The following ACYP2 variants were observed in gnomAD, a reference collection of about 807,000 sequenced individuals.
ACYP2 encodes the protein acylphosphatase 2.
A neutral mutation model predicts 11.2 loss-of-function variants in ACYP2; 12 were observed. That is an observed-to-expected ratio of 1.08 (90% CI 0.69 to 1.74). The LOEUF is 1.74. Ranked by LOEUF, ACYP2 falls within the 40% of genes most tolerant of loss-of-function variation. ACYP2 has a pLI of 0.00. For synonymous variants in ACYP2, 43 were observed against 32.2 expected, an observed-to-expected ratio of 1.33 and a Z score of -1.13; for missense variants, 134 against 101.9, an observed-to-expected ratio of 1.31 and a Z score of -1.35.
At chr2:54,004,114 G>C (rs891531756) in intron 2 of ACYP2, among the ~76,000 whole-genome samples, 6 of 152,060 alleles carry the variant, frequency 3.9e-5, no homozygotes, top group Non-Finnish European at 5.9e-5. Flanking sequence ...CTCCCGAGCA[G>C]CTGGGACCAC....
At chr2:54,227,836 C>G (rs921349848) in intron 6 of ACYP2, among the ~76,000 whole-genome samples, 1 of 152,144 alleles carries the variant, frequency 6.6e-6, no homozygotes, top group African/African-American at 2.4e-5. Context: ...AGAATAGGAA[C>G]TGAATCATGT....
intron 4 of ACYP2, among the ~76,000 whole-genome samples, chr2:54,061,579 T>C (rs1056668508): frequency 1.2e-4 from 18 of 152,224 alleles, no homozygotes; most frequent in Admixed American, 3.9e-4. Context: ...CCAACTCTGA[T>C]TGGCTTTAGC....
rs987002569 is a variant in ACYP2, at chr2:54,270,625, TA to T, written c.405-34057del. On this transcript the variant is annotated intron_variant, in intron 6 of 6. Transcript: ENST00000607452. The stretch of plus-strand genomic sequence containing the variant: ...TGTCTCAAAATTTTAAAAATAAAGA[TA>T]AAAAATAAAAATGAATACAATGAAT... Among the ~76,000 whole-genome samples, 435 of 152,254 alleles carry T rather than the reference TA, an allele frequency of 2.9e-3. 3 individuals are homozygous for T. Among genetic ancestry groups the T allele is most frequent in the African/African-American group, 9.9e-3 (410 of 41,546 alleles).
intron 6 of ACYP2, among the ~76,000 whole-genome samples, chr2:54,217,207 T>A (rs1316196548): frequency 2.0e-5 from 3 of 152,212 alleles, no homozygotes; most frequent in African/African-American, 7.2e-5. Context: ...CTTTAGGTCA[T>A]CACTGTCCAA....
intron 6 of ACYP2, among the ~76,000 whole-genome samples, chr2:54,164,258 G>C (rs1051402679): frequency 1.9e-4 from 29 of 152,184 alleles, no homozygotes; most frequent in African/African-American, 7.0e-4. Flanking sequence ...GAACTGGGGA[G>C]AAGTTCAGAT....
At chr2:54,010,186 CA>C in intron 2 of ACYP2, among the ~76,000 whole-genome samples, 1 of 152,118 alleles carries the variant, frequency 6.6e-6, no homozygotes, top group East Asian at 1.9e-4. Flanking sequence ...ATCAGCCTGT[CA>C]AAAAGTCATG....
chr2:54,117,168 A>C (rs1475086816), intron 4 of ACYP2, among the ~76,000 whole-genome samples: 1 of 152,242 alleles, frequency 6.6e-6, no homozygotes, highest in Admixed American at 6.5e-5. Context: ...AGCTCCAAGT[A>C]TTAAATTTTT....
intron 2 of ACYP2, among the ~76,000 whole-genome samples, chr2:54,000,745 G>A (rs1358622269): frequency 1.3e-5 from 2 of 152,118 alleles, no homozygotes; most frequent in African/African-American, 4.8e-5. Context: ...GAAAATTTCT[G>A]CCCATAAGTA....
intron 2 of ACYP2, among the ~76,000 whole-genome samples, chr2:53,995,239 T>C (rs1032574623): frequency 2.0e-5 from 3 of 152,142 alleles, no homozygotes; most frequent in South Asian, 2.1e-4. Context: ...AGAAAAAAAA[T>C]TGGTTCCTCT....
At chr2:54,210,141 CAAAAA>C (rs57860939) in intron 6 of ACYP2, among the ~76,000 whole-genome samples, 4,228 of 70,706 alleles carry the variant, frequency 0.06, 60 homozygotes, top group Non-Finnish European at 0.098. Flanking sequence ...GACTGTGTCT[CAAAAA>C]AAAAAAAAAA....
At chr2:54,071,035 A>G (rs1357416232) in intron 4 of ACYP2, among the ~76,000 whole-genome samples, 1 of 152,166 alleles carries the variant, frequency 6.6e-6, no homozygotes, top group African/African-American at 2.4e-5. Context: ...TACAGGCATA[A>G]GACACTGCAC....
At chr2:54,231,151 A>G (rs985563722) in intron 6 of ACYP2, among the ~76,000 whole-genome samples, 2 of 152,064 alleles carry the variant, frequency 1.3e-5, no homozygotes, top group Non-Finnish European at 1.5e-5. Context: ...TGTTTCTTAA[A>G]TGTATTTGAT....
intron 2 of ACYP2, among the ~76,000 whole-genome samples, chr2:54,000,152 T>C (rs1002641244): frequency 1.3e-5 from 2 of 151,890 alleles, no homozygotes; most frequent in African/African-American, 4.8e-5. Flanking sequence ...AAGAAGCTCA[T>C]TGAGCTTCTT....
At chr2:54,108,547 G>T (rs906598521) in intron 4 of ACYP2, among the ~76,000 whole-genome samples, 3 of 152,184 alleles carry the variant, frequency 2.0e-5, no homozygotes, top group South Asian at 2.1e-4. Context: ...CCTGATACCA[G>T]CTGAAGTCCA....
At chr2:54,117,092 G>A (rs745849799) in intron 4 of ACYP2, among the ~76,000 whole-genome samples, 15 of 152,182 alleles carry the variant, frequency 9.9e-5, no homozygotes, top group Admixed American at 1.3e-4. Flanking sequence ...ACTTTAGAGC[G>A]CAAAGAACCG....
At chr2:54,155,140 C>G (rs927829459) in intron 6 of ACYP2, among the ~76,000 whole-genome samples, 2 of 151,890 alleles carry the variant, frequency 1.3e-5, no homozygotes, top group African/African-American at 4.8e-5. Flanking sequence ...ATCACAGTGT[C>G]TCCTCTTTTA....
chr2:54,264,824 T>C (rs530268552), intron 6 of ACYP2, among the ~76,000 whole-genome samples: 4 of 152,284 alleles, frequency 2.6e-5, no homozygotes, highest in South Asian at 2.1e-4. Flanking sequence ...GACTGGATAG[T>C]AAATGTTTAA....
chr2:53,982,436 C>T (rs763291315), intron 2 of ACYP2, among the ~76,000 whole-genome samples: 2 of 152,078 alleles, frequency 1.3e-5, no homozygotes, highest in Admixed American at 1.3e-4. Flanking sequence ...AGTCAGAGAT[C>T]GTTAGATGAA....
intron 6 of ACYP2, among the ~76,000 whole-genome samples, chr2:54,199,105 T>A (rs1439041743): frequency 2.0e-5 from 3 of 152,192 alleles, no homozygotes; most frequent in African/African-American, 7.2e-5. Flanking sequence ...TTGCCTTTTT[T>A]CTGTGCTCAC....
Sources: gnomAD v4.1 joint callset for allele counts (sites outside exome capture counted in the v4.1 genomes callset) on GRCh38, gnomAD v4.1.1 for gene constraint, MANE v1.5 for transcripts, NCBI Gene and HGNC (gene_info 2026-07-23, HGNC 2026-07-21) for gene names.